Variants in HHAT observed in about 807,000 individuals in gnomAD.
The protein encoded by HHAT is hedgehog acyltransferase.
In HHAT, 47 loss-of-function variants were observed where a neutral mutation model predicts 70.8. The observed-to-expected ratio is 0.66, with a 90% CI of 0.53 to 0.85. The LOEUF (loss-of-function observed/expected upper bound fraction) is 0.85, where lower values mean the gene tolerates loss of function less well. Ranked by LOEUF, HHAT falls within the 40% of genes least tolerant of loss-of-function variation. HHAT has a pLI of 0.00. For synonymous variants in HHAT, 228 were observed against 247.6 expected, an observed-to-expected ratio of 0.92 and a Z score of 0.74; for missense variants, 609 against 604.8, an observed-to-expected ratio of 1.01 and a Z score of -0.07.
intron 2 of HHAT, among the ~76,000 whole-genome samples, chr1:210,359,652 G>A (rs185313892): frequency 1.3e-5 from 2 of 152,238 alleles, no homozygotes; most frequent in East Asian, 3.9e-4. Context: ...AAGGTCAGGA[G>A]TTCGAGACCA....
intron 1 of HHAT, among the ~76,000 whole-genome samples, chr1:210,343,303 A>G (rs1179269211): frequency 2.0e-5 from 3 of 152,116 alleles, no homozygotes; most frequent in African/African-American, 7.2e-5. Flanking sequence ...TGCTCCCTAG[A>G]AGCAGGGAGC....
intron 7 of HHAT, among the ~76,000 whole-genome samples, chr1:210,456,443 C>A (rs925876609): frequency 2.0e-5 from 3 of 152,210 alleles, no homozygotes; most frequent in Non-Finnish European, 2.9e-5. Context: ...GGGACCACCC[C>A]CTTTTTGAGC....
At chr1:210,626,765 AC>A (rs1341729657) in intron 11 of HHAT, among the ~76,000 whole-genome samples, 1 of 152,186 alleles carries the variant, frequency 6.6e-6, no homozygotes, top group Non-Finnish European at 1.5e-5. Flanking sequence ...ATGAGTCTAT[AC>A]GATGCTCCCT....
At chr1:210,538,514 C>G (rs1053829482) in intron 9 of HHAT, among the ~76,000 whole-genome samples, 15 of 152,102 alleles carry the variant, frequency 9.9e-5, no homozygotes, top group African/African-American at 3.4e-4. Context: ...TAAAGCATTT[C>G]TGGAAAAACA....
chr1:210,527,655 A>G (rs567204180), intron 9 of HHAT, among the ~76,000 whole-genome samples: 1 of 152,332 alleles, frequency 6.6e-6, no homozygotes, highest in Non-Finnish European at 1.5e-5. Flanking sequence ...GCGATTCACA[A>G]GCTCCCTGAG....
intron 9 of HHAT, among the ~76,000 whole-genome samples, chr1:210,546,023 A>G (rs1483634652): frequency 1.3e-5 from 2 of 152,148 alleles, no homozygotes; most frequent in East Asian, 1.9e-4. Context: ...TGTTCATGCT[A>G]TTTTCATACT....
chr1:210,334,172 C>T (rs1223052857), intron 1 of HHAT, among the ~76,000 whole-genome samples: 11 of 55,468 alleles, frequency 2.0e-4, no homozygotes, highest in Non-Finnish European at 3.2e-4. Flanking sequence ...GCCACTTTAG[C>T]GTGTCATTTT....
chr1:210,457,487 T>A (rs1400043764), intron 7 of HHAT, among the ~76,000 whole-genome samples: 1 of 152,150 alleles, frequency 6.6e-6, no homozygotes, highest in East Asian at 1.9e-4. Flanking sequence ...GGCCACGGAC[T>A]GACACAGGGG....
chr1:210,333,524 G>A (rs2085187867), intron 1 of HHAT, among the ~76,000 whole-genome samples: 1 of 152,176 alleles, frequency 6.6e-6, no homozygotes, highest in South Asian at 2.1e-4. Flanking sequence ...CAGTGCAGTA[G>A]CAAGTAACTC....
intron 8 of HHAT, among the ~76,000 whole-genome samples, chr1:210,483,990 CTGAT>C (rs2094437601): frequency 6.6e-6 from 1 of 152,302 alleles, no homozygotes; most frequent in East Asian, 1.9e-4. Context: ...GGGATTGTGA[CTGAT>C]TGACCGGCTC....
chr1:210,345,678 A>G (rs1056839739), intron 1 of HHAT, among the ~76,000 whole-genome samples: 5 of 152,230 alleles, frequency 3.3e-5, no homozygotes, highest in African/African-American at 1.2e-4. Flanking sequence ...TTTTGCTTAT[A>G]TCAATTAGCC....
At chr1:210,575,039 T>G (rs556624288) in intron 9 of HHAT, among the ~76,000 whole-genome samples, 2 of 152,280 alleles carry the variant, frequency 1.3e-5, no homozygotes, top group East Asian at 3.9e-4. Flanking sequence ...GAGGTGTATG[T>G]CCAAGATGGT....
intron 4 of HHAT, among the ~76,000 whole-genome samples, chr1:210,392,231 T>C (rs2091506370): frequency 1.3e-5 from 2 of 152,046 alleles, no homozygotes; most frequent in African/African-American, 2.4e-5. Context: ...GAAGGAAAGG[T>C]GGGAGTTGCC....
chr1:210,670,668 C>T (rs1335883854), intron 11 of HHAT, among the ~76,000 whole-genome samples: 3 of 152,146 alleles, frequency 2.0e-5, no homozygotes, highest in African/African-American at 7.2e-5. Context: ...ATAAGGAGCC[C>T]TTGACAGCTG....
At chr1:210,523,760 A>C (rs2095199123) in intron 9 of HHAT, among the ~76,000 whole-genome samples, 1 of 152,224 alleles carries the variant, frequency 6.6e-6, no homozygotes, top group Non-Finnish European at 1.5e-5. Flanking sequence ...ATTTTCAAAA[A>C]TGTAAAAGGA....
chr1:210,660,324 AGAGAATAAAATACCCAG>A, intron 11 of HHAT, among the ~76,000 whole-genome samples: 2 of 152,324 alleles, frequency 1.3e-5, no homozygotes, highest in Non-Finnish European at 2.9e-5. Flanking sequence ...ATTGCTTCAA[AGAGAATAAAATACCCAG>A]GAATCCAACT....
At chr1:210,344,273 A>T (rs532396289) in intron 1 of HHAT, among the ~76,000 whole-genome samples, 33 of 48,368 alleles carry the variant, frequency 6.8e-4, no homozygotes, top group African/African-American at 3.8e-3. Flanking sequence ...AAACTATGTT[A>T]TTGTTTCATT....
At chr1:210,627,877 C>A (rs1190650574) in intron 11 of HHAT, among the ~76,000 whole-genome samples, 1 of 152,084 alleles carries the variant, frequency 6.6e-6, no homozygotes, top group Non-Finnish European at 1.5e-5. Flanking sequence ...GAGATTTGGT[C>A]CAAATGCTGT....
At chr1:210,347,325 C>T (rs1028684650) in intron 1 of HHAT, among the ~76,000 whole-genome samples, 2 of 152,192 alleles carry the variant, frequency 1.3e-5, no homozygotes, top group African/African-American at 4.8e-5. Flanking sequence ...TGCCTACCTC[C>T]CCTGTTCCAC....
Sources: gnomAD v4.1 joint callset for allele counts (sites outside exome capture counted in the v4.1 genomes callset) on GRCh38, gnomAD v4.1.1 for gene constraint, MANE v1.5 for transcripts, NCBI Gene and HGNC (gene_info 2026-07-23, HGNC 2026-07-21) for gene names.